Variants in ANKRD62 observed in about 807,000 individuals in gnomAD.
ANKRD62 encodes the protein ankyrin repeat domain 62.
Under a neutral mutation model 98.8 loss-of-function variants are expected in ANKRD62, and 61 were observed. The ratio of observed to expected loss-of-function variants is 0.62; its 90% CI spans 0.50 to 0.76. ANKRD62 has a LOEUF of 0.76. Ranked by LOEUF, ANKRD62 falls within the 30% of genes least tolerant of loss-of-function variation. ANKRD62 has a pLI of 0.00. For synonymous variants in ANKRD62, 341 were observed against 367.9 expected (o/e 0.93, Z 0.84); for missense variants, 933 against 1,082.9 (o/e 0.86, Z 1.94).
chr18:12,099,010 G>A (rs1179594588), intron 5 of ANKRD62, among the ~76,000 whole-genome samples: 1 of 152,174 alleles, frequency 6.6e-6, no homozygotes, highest in Non-Finnish European at 1.5e-5. Context: ...TATCAATTTA[G>A]TTACAAACTG....
At chr18:12,174,445 C>T in the ANKRD62 span, among the ~76,000 whole-genome samples, 1 of 152,218 alleles carries the variant, frequency 6.6e-6, no homozygotes, top group Non-Finnish European at 1.5e-5. Context: ...TTTCAACATA[C>T]TCCCGTAGCT....
At chr18:12,106,452 T>C (rs1010728581) in intron 7 of ANKRD62, among the ~76,000 whole-genome samples, 3 of 152,218 alleles carry the variant, frequency 2.0e-5, no homozygotes, top group Non-Finnish European at 1.5e-5. Flanking sequence ...AGTTACACTT[T>C]TAATTCTTCT....
the ANKRD62 span, among the ~76,000 whole-genome samples, chr18:12,162,493 C>T: frequency 2.6e-5 from 4 of 151,952 alleles, no homozygotes; most frequent in Non-Finnish European, 5.9e-5. Context: ...TTTGTTGTTT[C>T]CTTTGTTGTG....
intron 9 of ANKRD62, 60 bp from the exon 10 acceptor site, chr18:12,115,333 A>G (rs1909637896): frequency 7.0e-7 from 1 of 1,432,822 alleles, no homozygotes; most frequent in Non-Finnish European, 9.3e-7. Context: ...ACTGGTGTAT[A>G]TTTAGTATAT....
At chr18:12,137,885 G>A in the ANKRD62 span, among the ~76,000 whole-genome samples, 9 of 152,084 alleles carry the variant, frequency 5.9e-5, no homozygotes, top group Admixed American at 4.6e-4. Flanking sequence ...TGGGATCGGT[G>A]GTGATATCCC....
At chr18:12,171,203 C>G in the ANKRD62 span, among the ~76,000 whole-genome samples, 5 of 151,898 alleles carry the variant, frequency 3.3e-5, no homozygotes, top group African/African-American at 1.2e-4. Context: ...GTTATTTTGC[C>G]CGTTAGTTGA....
downstream of ANKRD62, among the ~76,000 whole-genome samples, chr18:12,131,460 T>G (rs1459141203): frequency 6.6e-6 from 1 of 152,190 alleles, no homozygotes; most frequent in Non-Finnish European, 1.5e-5. Flanking sequence ...TACTTATGCC[T>G]CATTAGTTTA....
At chr18:12,120,330 A>T (rs750414880) in intron 10 of ANKRD62, among the ~76,000 whole-genome samples, 1 of 152,184 alleles carries the variant, frequency 6.6e-6, no homozygotes, top group Non-Finnish European at 1.5e-5. Context: ...TATTAGGGGC[A>T]TAAACATTTA....
chr18:12,152,079 T>C, the ANKRD62 span, among the ~76,000 whole-genome samples: 1 of 118,532 alleles, frequency 8.4e-6, no homozygotes, highest in South Asian at 2.9e-4. Context: ...ATAAATAAGC[T>C]ACCAAAAAAA....
downstream of ANKRD62, among the ~76,000 whole-genome samples, chr18:12,130,197 A>G (rs1909981879): frequency 7.4e-6 from 1 of 134,774 alleles, no homozygotes; most frequent in Non-Finnish European, 1.7e-5. Context: ...CCCACAAAAC[A>G]AAGGTAAAAA....
chr18:12,126,179 T>C lies in ANKRD62; in HGVS notation c.2358T>C (p.Tyr786=). The change falls in exon 13 of 14, where the codon TAT becomes TAC. Residue 786 remains tyrosine (Y), a synonymous_variant. Transcript: ENST00000587848. ...AACTACAAAGCCAAAATCTGTTGTA[T>C]CAACAGCAGTGTAATGATGCTCGCA... ...LFQLQSQNLL[Y]QQQCNDARKK... The C allele has an allele frequency of 6.5e-7, 1 of 1,536,070 alleles. No homozygotes were observed. The highest frequency in any genetic ancestry group is 8.7e-7 in the Non-Finnish European group (1 of 1,146,846).
intron 7 of ANKRD62, among the ~76,000 whole-genome samples, chr18:12,105,813 G>A (rs1909401627): frequency 6.6e-6 from 1 of 152,000 alleles, no homozygotes; most frequent in South Asian, 2.1e-4. Flanking sequence ...AGTGGCATAG[G>A]GACTGGGAAA....
chr18:12,173,939 A>G, the ANKRD62 span, among the ~76,000 whole-genome samples: 1 of 152,010 alleles, frequency 6.6e-6, no homozygotes, highest in Non-Finnish European at 1.5e-5. Context: ...TTTCATTTCA[A>G]CCTTGGAGAG....
chr18:12,100,455 G>T (rs971832967), intron 6 of ANKRD62, among the ~76,000 whole-genome samples: 1 of 152,172 alleles, frequency 6.6e-6, no homozygotes, highest in Non-Finnish European at 1.5e-5. Context: ...AAGAAAGTCT[G>T]CAGATGAGCG....
intron 8 of ANKRD62, among the ~76,000 whole-genome samples, chr18:12,113,683 C>T (rs571735394): frequency 3.3e-5 from 5 of 152,170 alleles, no homozygotes; most frequent in Admixed American, 2.6e-4. Flanking sequence ...AAAAGGAATG[C>T]GTATACGCTG....
the ANKRD62 span, among the ~76,000 whole-genome samples, chr18:12,151,415 A>G: frequency 1.1e-4 from 16 of 152,234 alleles, no homozygotes; most frequent in Admixed American, 1.0e-3. Context: ...TGAAGTCAAC[A>G]CTGGACCAAG....
chr18:12,166,255 G>A, the ANKRD62 span, among the ~76,000 whole-genome samples: 9 of 151,878 alleles, frequency 5.9e-5, no homozygotes, highest in Non-Finnish European at 1.3e-4. Context: ...GCCTCCTACT[G>A]AAGACCAATA....
In ANKRD62 at chr18:12,107,406, A is replaced by G; in HGVS notation, c.1003A>G (p.Ile335Val). The G allele has an allele frequency of 5.9e-6, 9 of 1,524,050 alleles. No individual in the cohort carries two copies. Among genetic ancestry groups the G allele is most frequent in the Non-Finnish European group, 7.9e-6 (9 of 1,141,230 alleles). The allele number at this position is 1,524,050 out of a possible 1,614,324, so 94.4% of individuals were successfully genotyped here. A position where few individuals can be genotyped will look rare whatever the true frequency, so the allele number is the denominator to read the frequency against. ...TGATGTTGATGAATTAATTCACAAAATAAAGAACAGAAAACCTGATAATCA... is the reference window on the plus strand; with the variant it reads ...TGATGTTGATGAATTAATTCACAAAGTAAAGAACAGAAAACCTGATAATCA... Reference protein sequence around the residue: ...NDDVDELIHKIKNRKPDNHQS... With the variant: ...NDDVDELIHKVKNRKPDNHQS... The change falls in exon 8 of 14, where the codon ATA (isoleucine) becomes GTA (valine). Residue 335 changes from isoleucine (I) to valine (V), a missense_variant. Ile to Val is a conservative substitution (Grantham distance 29). This residue lies in a region of ANKRD62 where 549 missense variants were observed against 587.9 expected (regional missense o/e 0.93). Coordinates refer to ENST00000587848, the MANE Select transcript of ANKRD62 (RefSeq NM_001277333.2).
chr18:12,115,165 TAAA>T (rs1909634421), intron 9 of ANKRD62, 44 bp downstream of exon 9: 3 of 1,374,082 alleles, frequency 2.2e-6, no homozygotes, highest in Non-Finnish European at 2.8e-6. Flanking sequence ...GAACATACCT[TAAA>T]AAAGATCATG....
Sources: gnomAD v4.1 joint callset for allele counts (sites outside exome capture counted in the v4.1 genomes callset) on GRCh38, gnomAD v4.1.1 for gene constraint, gnomAD v4.1.1 regional missense constraint, MANE v1.5 for transcripts, NCBI Gene and HGNC (gene_info 2026-07-23, HGNC 2026-07-21) for gene names.